The following DAAM1 variants were observed in gnomAD, a reference collection of about 807,000 sequenced individuals.
The protein encoded by DAAM1 is dishevelled associated activator of morphogenesis 1, also known as disheveled-associated activator of morphogenesis 1.
In DAAM1, 52 loss-of-function variants were observed where a neutral mutation model predicts 130.0. That is an observed-to-expected ratio of 0.40 (90% CI 0.32 to 0.50). DAAM1 has a LOEUF of 0.50. Ranked by LOEUF, DAAM1 falls within the 20% of genes least tolerant of loss-of-function variation. The pLI, the probability that DAAM1 is intolerant of heterozygous loss-of-function variation, is 0.61. For missense variants in DAAM1, 1,134 were observed against 1,303.8 expected, an observed-to-expected ratio of 0.87 and a Z score of 2.01; for synonymous variants, 452 against 444.5, an observed-to-expected ratio of 1.02 and a Z score of -0.21.
chr14:59,342,466 A>G (rs1251449317), intron 16 of DAAM1, among the ~76,000 whole-genome samples: 1 of 152,216 alleles, frequency 6.6e-6, no homozygotes, highest in Non-Finnish European at 1.5e-5. Flanking sequence ...TTTTTAACCA[A>G]TCAGCAGTTT....
intron 1 of DAAM1, among the ~76,000 whole-genome samples, chr14:59,259,737 T>C (rs1415054512): frequency 1.3e-5 from 2 of 152,224 alleles, no homozygotes; most frequent in African/African-American, 4.8e-5. Context: ...GCTGCCTACC[T>C]GTGTTGGGTA....
intron 1 of DAAM1, among the ~76,000 whole-genome samples, chr14:59,256,666 G>A (rs1881901293): frequency 6.6e-6 from 1 of 152,104 alleles, no homozygotes; most frequent in African/African-American, 2.4e-5. Flanking sequence ...TCTTCCTCAG[G>A]CTGATCTGAT....
chr14:59,255,354 C>T lies in DAAM1; in HGVS notation c.-37-8087C>T, dbSNP rs542153910. ...GGGGAACACACAATTCCCTTTCAGA[C>T]GTTTCTCCTATAAGCTTTAGACTAT... On this transcript the variant is annotated intron_variant, in intron 1 of 24. Transcript: ENST00000360909. Among the ~76,000 whole-genome samples the T allele has an allele frequency of 1.4e-4, 21 of 152,192 alleles. No individual in the cohort carries two copies. The East Asian group carries it at 3.7e-3, about 27-fold the overall frequency.
intron 1 of DAAM1, among the ~76,000 whole-genome samples, chr14:59,257,170 G>A (rs1881933323): frequency 6.6e-6 from 1 of 152,140 alleles, no homozygotes; most frequent in Non-Finnish European, 1.5e-5. Flanking sequence ...AAATGTCTTG[G>A]TGGGTTTGAA....
At chr14:59,228,545 G>A (rs1328473613) in intron 1 of DAAM1, among the ~76,000 whole-genome samples, 2 of 152,126 alleles carry the variant, frequency 1.3e-5, no homozygotes, top group East Asian at 1.9e-4. Context: ...CACACATTTC[G>A]AATGAATGTT....
intron 4 of DAAM1, among the ~76,000 whole-genome samples, chr14:59,316,881 T>G (rs188875890): frequency 6.6e-6 from 1 of 152,248 alleles, no homozygotes; most frequent in Admixed American, 6.5e-5. Flanking sequence ...GGGGAACTAC[T>G]AAGTACTGTA....
chr14:59,364,400 G>A (rs1182093501), intron 23 of DAAM1, among the ~76,000 whole-genome samples: 2 of 151,712 alleles, frequency 1.3e-5, no homozygotes, highest in Non-Finnish European at 2.9e-5. Flanking sequence ...TCCCTTGGAA[G>A]AGAAATTTTT....
intron 1 of DAAM1, among the ~76,000 whole-genome samples, chr14:59,262,890 G>A (rs1042991649): frequency 2.0e-5 from 3 of 152,172 alleles, no homozygotes; most frequent in African/African-American, 7.2e-5. Flanking sequence ...TTGATGCACA[G>A]CCGCTTCCCC....
At chr14:59,363,549 A>G in intron 22 of DAAM1, 102 bp from the exon 23 acceptor site, 13 of 1,513,262 alleles carry the variant, frequency 8.6e-6, no homozygotes, top group African/African-American at 1.4e-5. Context: ...TGTGTTTGCC[A>G]TTCTGATTTA....
rs553128687 is a variant in DAAM1, at chr14:59,326,441, A to G, written c.1175-69A>G. ...TTGGTGGCTTTAAAGGGTGACCACC[A>G]TTGACAAATATTCATCCTAGCTTAG... On this transcript the variant is annotated intron_variant, in intron 10 of 24. Coordinates refer to ENST00000360909, the MANE Select transcript of DAAM1 (RefSeq NM_001270520.2). 1.6e-4 allele frequency: 241 copies of G among 1,495,894 alleles called. No individual in the cohort carries two copies. The African/African-American group carries it at 2.0e-3, about 12-fold the overall frequency. The allele number at this position is 1,495,894 out of a possible 1,614,324, so 92.7% of individuals were successfully genotyped here.
At chr14:59,355,435 T>C in intron 20 of DAAM1, 102 bp downstream of exon 20, 1 of 1,392,938 alleles carries the variant, frequency 7.2e-7, no homozygotes, top group Non-Finnish European at 9.8e-7. Flanking sequence ...CACTGCATTC[T>C]TCAGTTGGAA....
intron 17 of DAAM1, among the ~76,000 whole-genome samples, chr14:59,349,647 C>T (rs566769293): frequency 2.0e-5 from 3 of 152,364 alleles, no homozygotes; most frequent in Non-Finnish European, 4.4e-5. Context: ...TCTCTTGCTG[C>T]TTGCAGCTGC....
At chr14:59,345,736 C>A (rs945345624) in intron 16 of DAAM1, among the ~76,000 whole-genome samples, 3 of 152,138 alleles carry the variant, frequency 2.0e-5, no homozygotes, top group Admixed American at 1.3e-4. Context: ...GCTTTACACA[C>A]CTTTGTGTCT....
At position 59,370,050 on chromosome 14, in the gene DAAM1, C is replaced by T. The variant is rs567722415; in HGVS notation, c.*1191C>T. On this transcript the variant is annotated 3_prime_UTR_variant, in exon 25 of 25. Transcript: ENST00000360909. Reference sequence around the variant, plus strand: ...GGGAGACATGAATAAAATCAATGAACATTAGAAAATAAAATATAGATGCTT... The same window carrying T: ...GGGAGACATGAATAAAATCAATGAATATTAGAAAATAAAATATAGATGCTT... The T allele has an allele frequency of 2.8e-4, 42 of 149,834 alleles. No homozygotes were observed. The highest frequency in any genetic ancestry group is 9.3e-4 in the African/African-American group (38 of 41,030). 9.3% of individuals were successfully genotyped at this position (149,834 alleles called of 1,614,324 possible). A position where few individuals can be genotyped will look rare whatever the true frequency, so the allele number is the denominator to read the frequency against.
intron 20 of DAAM1, among the ~76,000 whole-genome samples, chr14:59,355,743 C>G (rs1886456117): frequency 6.6e-6 from 1 of 152,108 alleles, no homozygotes; most frequent in Admixed American, 6.5e-5. Flanking sequence ...GCGCCCAGAT[C>G]AAGGACAGAA....
At chr14:59,223,931 C>T (rs1479856726) in intron 1 of DAAM1, among the ~76,000 whole-genome samples, 1 of 152,194 alleles carries the variant, frequency 6.6e-6, no homozygotes, top group Non-Finnish European at 1.5e-5. Flanking sequence ...TGCTGCTTCT[C>T]ACTCACTAGA....
intron 18 of DAAM1, 146 bp downstream of exon 18, chr14:59,352,778 G>A: frequency 1.4e-6 from 1 of 715,584 alleles, no homozygotes; most frequent in South Asian, 2.1e-5. Context: ...AAGTCTGAGT[G>A]ATGTGGAATT....
At chr14:59,364,180 G>T (rs1412247760) in intron 23 of DAAM1, among the ~76,000 whole-genome samples, 1 of 152,192 alleles carries the variant, frequency 6.6e-6, no homozygotes, top group African/African-American at 2.4e-5. Flanking sequence ...GTGCAATCAG[G>T]TGTTACTAAA....
At chr14:59,337,926 A>G (rs1396777227) in intron 15 of DAAM1, among the ~76,000 whole-genome samples, 1 of 152,186 alleles carries the variant, frequency 6.6e-6, no homozygotes, top group African/African-American at 2.4e-5. Context: ...CATCAAAAAA[A>G]GTTTATTTAT....
Sources: gnomAD v4.1 joint callset for allele counts (sites outside exome capture counted in the v4.1 genomes callset) on GRCh38, gnomAD v4.1.1 for gene constraint, MANE v1.5 for transcripts, NCBI Gene and HGNC (gene_info 2026-07-23, HGNC 2026-07-21) for gene names.